ZMAT4: variants seen among roughly 807,000 people sequenced by gnomAD.
The protein encoded by ZMAT4 is zinc finger matrin-type 4.
In ZMAT4, 17 loss-of-function variants were observed where a neutral mutation model predicts 28.7. The ratio of observed to expected loss-of-function variants is 0.59; its 90% CI spans 0.41 to 0.89. The LOEUF (loss-of-function observed/expected upper bound fraction) is 0.89. Ranked by LOEUF, ZMAT4 falls within the 40% of genes least tolerant of loss-of-function variation. The pLI is 0.00. For missense variants in ZMAT4, 240 were observed against 283.8 expected, an observed-to-expected ratio of 0.85 and a Z score of 1.11; for synonymous variants, 117 against 109.2, an observed-to-expected ratio of 1.07 and a Z score of -0.44.
chr8:40,883,892 G>C (rs889404045), intron 1 of ZMAT4, among the ~76,000 whole-genome samples: 1 of 152,098 alleles, frequency 6.6e-6, no homozygotes, highest in Admixed American at 6.5e-5. Context: ...TGAGGATCTC[G>C]ATCCATGCCC....
chr8:40,800,375 C>G (rs193130995), intron 2 of ZMAT4, among the ~76,000 whole-genome samples: 1 of 152,200 alleles, frequency 6.6e-6, no homozygotes, highest in Non-Finnish European at 1.5e-5. Flanking sequence ...AAACACAACA[C>G]CATTAATCAA....
chr8:40,798,932 C>T (rs1311638379), intron 2 of ZMAT4, among the ~76,000 whole-genome samples: 1 of 152,160 alleles, frequency 6.6e-6, no homozygotes, highest in East Asian at 1.9e-4. Context: ...CCAGTCCCCT[C>T]AATTGGGACA....
intron 5 of ZMAT4, among the ~76,000 whole-genome samples, chr8:40,652,491 T>C (rs1197014723): frequency 3.0e-5 from 1 of 33,532 alleles, no homozygotes; most frequent in African/African-American, 6.9e-5. Context: ...GGTGGGACTG[T>C]AAACTAGTTC....
intron 5 of ZMAT4, among the ~76,000 whole-genome samples, chr8:40,591,339 G>A (rs79633115): frequency 0.027 from 4,154 of 152,294 alleles, 95 homozygotes; most frequent in Non-Finnish European, 0.037. Context: ...GCAAGGCCAA[G>A]CCCATAGGTA....
intron 3 of ZMAT4, among the ~76,000 whole-genome samples, chr8:40,704,482 C>T (rs1171478156): frequency 2.6e-5 from 4 of 152,350 alleles, no homozygotes; most frequent in African/African-American, 9.6e-5. Flanking sequence ...TCCTTCCTGA[C>T]CTCTCCCAGT....
chr8:40,820,374 G>A (rs532210948), intron 2 of ZMAT4, among the ~76,000 whole-genome samples: 2 of 143,000 alleles, frequency 1.4e-5, no homozygotes, highest in East Asian at 4.3e-4. Flanking sequence ...GTCTACGTGT[G>A]TGGGTGTGTA....
At chr8:40,823,267 A>T (rs1219849130) in intron 2 of ZMAT4, among the ~76,000 whole-genome samples, 1 of 152,144 alleles carries the variant, frequency 6.6e-6, no homozygotes, top group Non-Finnish European at 1.5e-5. Flanking sequence ...GAACACAAAA[A>T]GTCTAATAAA....
chr8:40,542,667 G>A (rs80077112), intron 6 of ZMAT4, among the ~76,000 whole-genome samples: 5,572 of 152,196 alleles, frequency 0.037, 190 homozygotes, highest in East Asian at 0.13. Context: ...GGAATTATAC[G>A]CATGAACCAG....
chr8:40,892,479 T>C (rs911683771), intron 1 of ZMAT4, among the ~76,000 whole-genome samples: 5 of 152,228 alleles, frequency 3.3e-5, no homozygotes, highest in Admixed American at 3.3e-4. Context: ...TGCATGGTGT[T>C]AGTAACAGGC....
chr8:40,666,368 A>T (rs892472389), intron 5 of ZMAT4, among the ~76,000 whole-genome samples: 1 of 152,292 alleles, frequency 6.6e-6, no homozygotes, highest in African/African-American at 2.4e-5. Flanking sequence ...ACTAGAGTTG[A>T]GTCAGCAATC....
chr8:40,563,140 G>T (rs924695137), intron 6 of ZMAT4, among the ~76,000 whole-genome samples: 3 of 152,120 alleles, frequency 2.0e-5, no homozygotes, highest in African/African-American at 7.2e-5. Context: ...TCATCTGAAT[G>T]TTCTTAGGCC....
At chr8:40,729,687 C>T (rs946360044) in intron 3 of ZMAT4, among the ~76,000 whole-genome samples, 1 of 151,712 alleles carries the variant, frequency 6.6e-6, no homozygotes, top group Non-Finnish European at 1.5e-5. Flanking sequence ...CTCCACCTCC[C>T]GGGTTCAAGT....
rs1563354251 is a variant in ZMAT4, at chr8:40,589,998, T to TTCCTTCCG, written c.578-8738_578-8737insCGGAAGGA. Among the ~76,000 whole-genome samples, 119 of 115,744 alleles carry TTCCTTCCG rather than the reference T, an allele frequency of 1.0e-3. 1 individual carries two copies. The highest frequency in any genetic ancestry group is 4.2e-3 in the Middle Eastern group (1 of 240). The allele number at this position is 115,744 out of a possible 152,430, so 75.9% of individuals were successfully genotyped here. A position where few individuals can be genotyped will look rare whatever the true frequency, so the allele number is the denominator to read the frequency against. On this transcript the variant is annotated intron_variant, in intron 5 of 6. Coordinates refer to ENST00000297737, the MANE Select transcript of ZMAT4 (RefSeq NM_024645.3). ...CTTCCTTCCTTCCTTCCTTCCTTCC[T>TTCCTTCCG]TCCTTCCTTCCTTCCTTCCTTCCTT...
At chr8:40,698,108 T>C (rs1227615179) in intron 3 of ZMAT4, among the ~76,000 whole-genome samples, 1 of 152,156 alleles carries the variant, frequency 6.6e-6, no homozygotes, top group Non-Finnish European at 1.5e-5. Flanking sequence ...GAATTGAGTG[T>C]TTTTCATAAT....
intron 1 of ZMAT4, among the ~76,000 whole-genome samples, chr8:40,865,355 C>A (rs1278710463): frequency 6.6e-6 from 1 of 152,234 alleles, no homozygotes; most frequent in African/African-American, 2.4e-5. Flanking sequence ...AAAAAGAAAT[C>A]TTCCCCGAAT....
chr8:40,534,714 G>C (rs889114449), intron 6 of ZMAT4, among the ~76,000 whole-genome samples: 1 of 120,694 alleles, frequency 8.3e-6, no homozygotes, highest in African/African-American at 3.1e-5. Context: ...ACTGAGTCAC[G>C]CTTTGTCGCC....
chr8:40,630,979 AT>A (rs34600223), intron 5 of ZMAT4, among the ~76,000 whole-genome samples: 6 of 150,958 alleles, frequency 4.0e-5, no homozygotes, highest in Non-Finnish European at 7.4e-5. Context: ...AGAAATGCAC[AT>A]TTTTTTTTCA....
chr8:40,555,662 T>A (rs536579933), intron 6 of ZMAT4, among the ~76,000 whole-genome samples: 1 of 152,194 alleles, frequency 6.6e-6, no homozygotes, highest in Non-Finnish European at 1.5e-5. Context: ...TCAGAGTCCA[T>A]ACTGTCTCTT....
At position 40,769,243 on chromosome 8, in the gene ZMAT4, G is replaced by A. The variant is rs190504215; in HGVS notation, c.103-1513C>T. ...GGTTACATAGTAGGTTTTAATCAAA[G>A]GTCATCTGGAGTTTTTTTTGTTTGT... On this transcript the variant is annotated intron_variant, in intron 2 of 6. Transcript: ENST00000297737. 3.4e-3 allele frequency among the ~76,000 whole-genome samples: 518 copies of A among 152,230 alleles called. 2 individuals are homozygous for A. The highest frequency in any genetic ancestry group is 0.012 in the African/African-American group (481 of 41,536).
Sources: allele counts gnomAD v4.1 joint callset (sites outside exome capture counted in the v4.1 genomes callset), GRCh38; gene constraint gnomAD v4.1.1; transcripts MANE v1.5; gene names NCBI Gene and HGNC (gene_info 2026-07-23, HGNC 2026-07-21).